FHIT: variants seen among roughly 807,000 people sequenced by gnomAD.
The protein encoded by FHIT is bis(5'-adenosyl)-triphosphatase.
A neutral mutation model predicts 17.9 loss-of-function variants in FHIT; 19 were observed. The ratio of observed to expected loss-of-function variants is 1.06; its 90% CI spans 0.74 to 1.56. The LOEUF is 1.56. Among genes scored for constraint, FHIT ranks in the 40% most tolerant of loss-of-function variants. The pLI is 0.00. For synonymous variants in FHIT, 81 were observed against 69.7 expected (o/e 1.16, Z -0.81); for missense variants, 248 against 189.2 (o/e 1.31, Z -1.82).
chr3:59,828,272 A>G (rs1396972750), intron 8 of FHIT, among the ~76,000 whole-genome samples: 1 of 152,378 alleles, frequency 6.6e-6, no homozygotes, highest in East Asian at 1.9e-4. Flanking sequence ...AGAAAGCAGT[A>G]AAACACATTT....
At chr3:60,313,366 C>T (rs1461820560) in intron 5 of FHIT, among the ~76,000 whole-genome samples, 1 of 152,088 alleles carries the variant, frequency 6.6e-6, no homozygotes, top group Non-Finnish European at 1.5e-5. Context: ...TTTATATTGT[C>T]TACATTAAAG....
At chr3:59,840,078 AAGAGGG>A (rs1391055802) in intron 8 of FHIT, among the ~76,000 whole-genome samples, 1 of 152,188 alleles carries the variant, frequency 6.6e-6, no homozygotes, top group Non-Finnish European at 1.5e-5. Context: ...GAGGAGTCAG[AAGAGGG>A]TAGAGCTGTC....
At chr3:60,652,372 AG>A (rs782262848) in intron 4 of FHIT, among the ~76,000 whole-genome samples, 1 of 151,826 alleles carries the variant, frequency 6.6e-6, no homozygotes, top group Non-Finnish European at 1.5e-5. Flanking sequence ...AGGCCAAGGC[AG>A]GGGGGATCAC....
intron 4 of FHIT, among the ~76,000 whole-genome samples, chr3:60,594,638 C>T (rs538314342): frequency 1.1e-4 from 17 of 152,090 alleles, no homozygotes; most frequent in Non-Finnish European, 2.1e-4. Context: ...CCTTCCAACA[C>T]TATAAAGGGT....
chr3:59,752,551 G>T (rs922433472), intron 8 of FHIT, among the ~76,000 whole-genome samples: 8 of 152,090 alleles, frequency 5.3e-5, no homozygotes, highest in African/African-American at 1.4e-4. Flanking sequence ...GCTGAGGGGG[G>T]TGATGATATG....
At chr3:59,751,232 T>TTTTCTCTCTC (rs1015367877) in intron 9 of FHIT, 2 of 175,902 alleles carry the variant, frequency 1.1e-5, no homozygotes, top group African/African-American at 4.8e-5. Flanking sequence ...ATAGATACAT[T>TTTTCTCTCTC]TCTCTCTCTC....
At chr3:60,844,805 T>C (rs2106882329) in intron 3 of FHIT, among the ~76,000 whole-genome samples, 1 of 152,276 alleles carries the variant, frequency 6.6e-6, no homozygotes, top group South Asian at 2.1e-4. Context: ...AAAATGTTTT[T>C]CATTTTCTTG....
At chr3:59,870,874 C>CGTGTGT (rs56278897) in intron 8 of FHIT, among the ~76,000 whole-genome samples, 2,531 of 149,852 alleles carry the variant, frequency 0.017, 66 homozygotes, top group African/African-American at 0.052. Flanking sequence ...TGTGTGTGTG[C>CGTGTGT]GTGTGTGTGT....
intron 4 of FHIT, among the ~76,000 whole-genome samples, chr3:60,796,138 C>G (rs1376755444): frequency 2.0e-5 from 3 of 152,062 alleles, no homozygotes; most frequent in Non-Finnish European, 4.4e-5. Context: ...AAGACCAGCC[C>G]CCATGATTCA....
chr3:60,011,504 G>A, intron 6 of FHIT, 104 bp from the exon 7 acceptor site: 1 of 1,001,284 alleles, frequency 1.0e-6, no homozygotes, highest in Non-Finnish European at 1.6e-6. Flanking sequence ...TTCATTGTGT[G>A]TTAATTTATA....
At chr3:60,903,444 G>A (rs1427225699) in intron 3 of FHIT, among the ~76,000 whole-genome samples, 6 of 152,188 alleles carry the variant, frequency 3.9e-5, no homozygotes, top group African/African-American at 1.4e-4. Flanking sequence ...CTAACTGGCA[G>A]AGGCCAAATA....
chr3:59,869,484 C>CTTTTTTTTTTTTTTTTTTTTTTTTTT lies in FHIT; in HGVS notation c.348+52861_348+52862insAAAAAAAAAAAAAAAAAAAAAAAAAA, dbSNP rs59589849. Among the ~76,000 whole-genome samples, 3 of 105,488 alleles carry CTTTTTTTTTTTTTTTTTTTTTTTTTT rather than the reference C, an allele frequency of 2.8e-5. 1 individual carries two copies. Among genetic ancestry groups the CTTTTTTTTTTTTTTTTTTTTTTTTTT allele is most frequent in the Admixed American group, 9.7e-5 (1 of 10,362 alleles). 69.2% of individuals were successfully genotyped at this position (105,488 alleles called of 152,430 possible). On this transcript the variant is annotated intron_variant, in intron 8 of 9. Coordinates refer to ENST00000492590, the MANE Select transcript of FHIT (RefSeq NM_002012.4). ...ATTCCATCTTTCCTTAAAGAACATC[C>CTTTTTTTTTTTTTTTTTTTTTTTTTT]TTTTTTTTTTTTTTTTAGACAGAGT...
At chr3:61,030,064 G>T (rs1029244111) in intron 3 of FHIT, among the ~76,000 whole-genome samples, 3 of 152,186 alleles carry the variant, frequency 2.0e-5, no homozygotes, top group Non-Finnish European at 2.9e-5. Context: ...TTGCGTCCCA[G>T]ACTCAGGTGA....
At chr3:60,799,302 G>T (rs186301526) in intron 4 of FHIT, among the ~76,000 whole-genome samples, 1 of 152,148 alleles carries the variant, frequency 6.6e-6, no homozygotes, top group Admixed American at 6.5e-5. Flanking sequence ...AGCCTCCCAC[G>T]TAGCTGGGAT....
intron 3 of FHIT, among the ~76,000 whole-genome samples, chr3:60,930,959 C>T (rs1365542762): frequency 2.6e-5 from 4 of 152,142 alleles, no homozygotes; most frequent in Non-Finnish European, 4.4e-5. Flanking sequence ...GACTTGGAAC[C>T]GACCCAAATG....
intron 2 of FHIT, among the ~76,000 whole-genome samples, chr3:61,155,056 T>C (rs898940661): frequency 1.3e-5 from 2 of 152,228 alleles, no homozygotes; most frequent in Non-Finnish European, 2.9e-5. Context: ...TTCTGCCTCA[T>C]TGAATATTCT....
chr3:60,614,855 G>T (rs2038905022), intron 4 of FHIT, among the ~76,000 whole-genome samples: 1 of 120,914 alleles, frequency 8.3e-6, no homozygotes, highest in African/African-American at 3.0e-5. Flanking sequence ...TTTTGAGATG[G>T]AGCCCTGCTC....
At chr3:60,866,905 T>C (rs1704188297) in intron 3 of FHIT, among the ~76,000 whole-genome samples, 1 of 152,188 alleles carries the variant, frequency 6.6e-6, no homozygotes, top group Admixed American at 6.5e-5. Flanking sequence ...TCCTCTTTTC[T>C]TTCCCCATTG....
intron 7 of FHIT, among the ~76,000 whole-genome samples, chr3:59,929,496 G>A (rs1463664133): frequency 2.7e-5 from 4 of 148,302 alleles, no homozygotes; most frequent in Non-Finnish European, 4.4e-5. Flanking sequence ...TCAGCCTCCT[G>A]AGTAGCTGGG....
Sources: allele counts gnomAD v4.1 joint callset (sites outside exome capture counted in the v4.1 genomes callset), GRCh38; gene constraint gnomAD v4.1.1; transcripts MANE v1.5; gene names NCBI Gene and HGNC (gene_info 2026-07-23, HGNC 2026-07-21).